SDK1: variants seen among roughly 807,000 people sequenced by gnomAD.
SDK1 encodes the protein sidekick cell adhesion molecule 1.
A neutral mutation model predicts 245.5 loss-of-function variants in SDK1; 157 were observed. The observed-to-expected ratio is 0.64, with a 90% confidence interval of 0.56 to 0.73. SDK1 has a LOEUF of 0.73. Among genes scored for constraint, SDK1 ranks in the 30% least tolerant of loss-of-function variants. The pLI is 0.00. For synonymous variants in SDK1, 1,647 were observed against 1,278.5 expected (o/e 1.29, Z -6.15); for missense variants, 3,583 against 3,002.3 (o/e 1.19, Z -4.52).
At chr7:3,992,332 C>T (rs1376566336) in intron 14 of SDK1, among the ~76,000 whole-genome samples, 2 of 152,210 alleles carry the variant, frequency 1.3e-5, no homozygotes, top group Non-Finnish European at 2.9e-5. Flanking sequence ...GCAGGCATGC[C>T]AGGGTTTGCC....
chr7:3,447,109 T>C (rs1283760828), intron 1 of SDK1, among the ~76,000 whole-genome samples: 1 of 152,212 alleles, frequency 6.6e-6, no homozygotes, highest in Non-Finnish European at 1.5e-5. Context: ...GTAGAATACA[T>C]CTCATTTAAG....
chr7:3,498,013 T>A (rs1254046031), intron 1 of SDK1, among the ~76,000 whole-genome samples: 9 of 152,238 alleles, frequency 5.9e-5, no homozygotes, highest in Admixed American at 2.6e-4. Context: ...GCCATCTGGC[T>A]TGTATCGATT....
At chr7:3,773,468 T>C (rs973168756) in intron 4 of SDK1, among the ~76,000 whole-genome samples, 4 of 152,214 alleles carry the variant, frequency 2.6e-5, no homozygotes, top group African/African-American at 9.6e-5. Context: ...TCTGCCTTTA[T>C]TTCTTTGAGC....
chr7:4,010,201 G>A (rs952162173), intron 14 of SDK1, among the ~76,000 whole-genome samples: 1 of 152,214 alleles, frequency 6.6e-6, no homozygotes, highest in Non-Finnish European at 1.5e-5. Context: ...AGCGGATGCT[G>A]GAAGTCACTG....
intron 40 of SDK1, among the ~76,000 whole-genome samples, chr7:4,231,417 T>C (rs1785758145): frequency 6.6e-6 from 1 of 150,674 alleles, no homozygotes; most frequent in Non-Finnish European, 1.5e-5. Flanking sequence ...AAAAAAAAAT[T>C]AACAACTTAG....
chr7:3,342,570 A>G (rs901613429), intron 1 of SDK1, among the ~76,000 whole-genome samples: 1 of 152,156 alleles, frequency 6.6e-6, no homozygotes, highest in African/African-American at 2.4e-5. Context: ...CCTAGGCAAC[A>G]AGAGCGAAAC....
chr7:3,687,444 A>AGT (rs1342323613), intron 4 of SDK1, among the ~76,000 whole-genome samples: 1 of 152,158 alleles, frequency 6.6e-6, no homozygotes, highest in Non-Finnish European at 1.5e-5. Flanking sequence ...ATTTTTATTC[A>AGT]TAATCACCCC....
At chr7:4,120,821 G>A (rs954857236) in intron 25 of SDK1, among the ~76,000 whole-genome samples, 1 of 151,702 alleles carries the variant, frequency 6.6e-6, no homozygotes, top group Non-Finnish European at 1.5e-5. Context: ...TCACCATGTT[G>A]GCCAGGCTGG....
intron 4 of SDK1, among the ~76,000 whole-genome samples, chr7:3,683,024 A>G (rs1784159245): frequency 6.6e-6 from 1 of 152,096 alleles, no homozygotes; most frequent in Non-Finnish European, 1.5e-5. Flanking sequence ...ATGAGCTACC[A>G]CGCGCGGCCT....
intron 1 of SDK1, among the ~76,000 whole-genome samples, chr7:3,509,685 C>T (rs528244895): frequency 6.6e-6 from 1 of 152,194 alleles, no homozygotes; most frequent in Non-Finnish European, 1.5e-5. Context: ...CAACACTTAA[C>T]CTCTGTTTAA....
intron 1 of SDK1, among the ~76,000 whole-genome samples, chr7:3,340,800 T>C (rs1194119504): frequency 6.7e-6 from 1 of 148,222 alleles, no homozygotes; most frequent in African/African-American, 2.5e-5. Context: ...TGAAGCACAA[T>C]AAAGTGCAAT....
Position 3,441,592 on chromosome 7 carries a change from A to G in SDK1, c.298+139708A>G, listed in dbSNP as rs1046122512. Among the ~76,000 whole-genome samples, 8 of 152,206 alleles carry G rather than the reference A, an allele frequency of 5.3e-5. No individual in the cohort carries two copies. The South Asian group carries it at 1.2e-3, about 24-fold the overall frequency. On this transcript the variant is annotated intron_variant, in intron 1 of 44. Transcript: ENST00000404826. ...ATTTGTGTCTCTTTGCAACCACTCT[A>G]TTTTGATTGCTGTCACTTCATCATA...
At chr7:3,738,675 C>G (rs968293513) in intron 4 of SDK1, among the ~76,000 whole-genome samples, 4 of 152,094 alleles carry the variant, frequency 2.6e-5, no homozygotes, top group Admixed American at 1.3e-4. Flanking sequence ...AATGGGATGT[C>G]TTTCCATTTG....
intron 5 of SDK1, among the ~76,000 whole-genome samples, chr7:3,930,102 A>G (rs1358860297): frequency 2.0e-5 from 3 of 152,182 alleles, no homozygotes; most frequent in African/African-American, 7.2e-5. Flanking sequence ...ATGTATGTGT[A>G]ACCCAGGCAG....
chr7:4,089,505 T>C (rs1781654883), intron 22 of SDK1, among the ~76,000 whole-genome samples: 1 of 152,194 alleles, frequency 6.6e-6, no homozygotes, highest in African/African-American at 2.4e-5. Context: ...GTTTTAGTGC[T>C]CCAGGGAAGA....
At chr7:3,454,486 G>T (rs923765202) in intron 1 of SDK1, among the ~76,000 whole-genome samples, 1 of 151,010 alleles carries the variant, frequency 6.6e-6, no homozygotes, top group Non-Finnish European at 1.5e-5. Flanking sequence ...CCACAGTCAA[G>T]ATACAAAATA....
intron 1 of SDK1, among the ~76,000 whole-genome samples, chr7:3,438,527 A>G (rs1780095721): frequency 6.6e-6 from 1 of 152,188 alleles, no homozygotes; most frequent in Admixed American, 6.5e-5. Flanking sequence ...AGTCTCATGA[A>G]GTGTCCATTG....
chr7:3,398,610 C>T (rs1382624765), intron 1 of SDK1, among the ~76,000 whole-genome samples: 1 of 151,978 alleles, frequency 6.6e-6, no homozygotes, highest in Non-Finnish European at 1.5e-5. Flanking sequence ...CTTACTTTTC[C>T]CCTTGCCCTT....
At chr7:3,626,581 A>G (rs1166001946) in intron 2 of SDK1, among the ~76,000 whole-genome samples, 1 of 152,214 alleles carries the variant, frequency 6.6e-6, no homozygotes, top group Non-Finnish European at 1.5e-5. Context: ...TTGTAGGGCC[A>G]TGGATTCTCT....
Sources: gnomAD v4.1 joint callset for allele counts (sites outside exome capture counted in the v4.1 genomes callset) on GRCh38, gnomAD v4.1.1 for gene constraint, MANE v1.5 for transcripts, NCBI Gene and HGNC (gene_info 2026-07-23, HGNC 2026-07-21) for gene names.